Variants in PDE3B observed in about 807,000 individuals in gnomAD.
PDE3B encodes the protein cGMP-inhibited 3',5'-cyclic phosphodiesterase 3B.
A neutral mutation model predicts 116.8 loss-of-function variants in PDE3B; 66 were observed. The observed-to-expected ratio is 0.56, with a 90% CI of 0.46 to 0.69. The LOEUF (loss-of-function observed/expected upper bound fraction) is 0.69. Among genes scored for constraint, PDE3B ranks in the 30% least tolerant of loss-of-function variants. The pLI, the probability that PDE3B is intolerant of heterozygous loss-of-function variation, is 0.00. For missense variants in PDE3B, 1,384 were observed against 1,368.1 expected (o/e 1.01, Z -0.18); for synonymous variants, 595 against 533.6 (o/e 1.12, Z -1.59).
chr11:14,890,720 G>A, the PDE3B span, among the ~76,000 whole-genome samples: 1,141 of 151,666 alleles, frequency 7.5e-3, 17 homozygotes, highest in African/African-American at 0.026. Flanking sequence ...CTAATTTTTT[G>A]TATTCTTTTA....
At chr11:14,845,197 G>A (rs1847570940) in intron 12 of PDE3B, among the ~76,000 whole-genome samples, 2 of 151,976 alleles carry the variant, frequency 1.3e-5, no homozygotes, top group Non-Finnish European at 2.9e-5. Context: ...CTGCTGTTCT[G>A]CAGCCACCGC....
At chr11:14,840,994 C>CAGT (rs1860204435) in intron 11 of PDE3B, among the ~76,000 whole-genome samples, 1 of 152,102 alleles carries the variant, frequency 6.6e-6, no homozygotes, top group Admixed American at 6.5e-5. Context: ...CTTGGCTGGG[C>CAGT]AGTAGTACCT....
intron 5 of PDE3B, among the ~76,000 whole-genome samples, chr11:14,815,954 C>G (rs1859314398): frequency 6.6e-6 from 1 of 151,330 alleles, no homozygotes; most frequent in Admixed American, 6.6e-5. Context: ...CACACACACA[C>G]ACACACACAC....
intron 1 of PDE3B, among the ~76,000 whole-genome samples, chr11:14,717,735 C>A: frequency 7.4e-6 from 1 of 134,728 alleles, no homozygotes; most frequent in Non-Finnish European, 1.6e-5. Flanking sequence ...GATTTTGTCA[C>A]CACCAGGCCT....
At chr11:14,771,371 G>A (rs1435446541) in intron 1 of PDE3B, among the ~76,000 whole-genome samples, 1 of 151,570 alleles carries the variant, frequency 6.6e-6, no homozygotes, top group Non-Finnish European at 1.5e-5. Flanking sequence ...AACTAGTCTG[G>A]GACTAAAGTT....
At chr11:14,885,672 T>G in the PDE3B span, 1 of 1,211,452 alleles carries the variant, frequency 8.3e-7, no homozygotes, top group Non-Finnish European at 1.2e-6. Flanking sequence ...TAGTTTCTTA[T>G]TAATCAGTAT....
chr11:14,831,710 A>C lies in PDE3B; in HGVS notation c.2027A>C (p.Asn676Thr), dbSNP rs760935113. 6 of 1,600,740 alleles carry C rather than the reference A, an allele frequency of 3.7e-6. No individual in the cohort carries two copies. In the Admixed American group the frequency reaches 5.0e-5, roughly 13 times the overall value. Reference sequence around the variant, plus strand: ...GACTCATTAATAGAAAAGATGAGCAACTGGAATTTTCCAATTTTTGAACTT... The same window carrying C: ...GACTCATTAATAGAAAAGATGAGCACCTGGAATTTTCCAATTTTTGAACTT... ...EYDSLIEKMS[N>T]WNFPIFELVE... Residue 676 changes from asparagine (N) to threonine (T), a missense_variant, in exon 9 of 16, where the codon AAC becomes ACC. Physicochemically the swap from Asn to Thr is moderately conservative, Grantham distance 65 (BLOSUM62 0). This residue lies in a region of PDE3B where 428 missense variants were observed against 561.4 expected (regional missense o/e 0.76). Coordinates refer to ENST00000282096, the MANE Select transcript of PDE3B (RefSeq NM_000922.4).
chr11:14,845,208 T>A (rs1379418590), intron 12 of PDE3B, among the ~76,000 whole-genome samples: 2 of 152,018 alleles, frequency 1.3e-5, no homozygotes, highest in Admixed American at 1.3e-4. Flanking sequence ...CAGCCACCGC[T>A]GCTGGTACCC....
At chr11:14,881,028 T>C in the PDE3B span, among the ~76,000 whole-genome samples, 1 of 152,090 alleles carries the variant, frequency 6.6e-6, no homozygotes, top group Non-Finnish European at 1.5e-5. Flanking sequence ...CCTGTGTAAT[T>C]TAACCTGGTG....
the PDE3B span, among the ~76,000 whole-genome samples, chr11:14,897,948 A>G: frequency 2.0e-5 from 3 of 152,108 alleles, no homozygotes; most frequent in African/African-American, 7.2e-5. Flanking sequence ...CTATCATTTA[A>G]CGAGAAAGGC....
At chr11:14,823,670 G>A (rs1157225134) in intron 7 of PDE3B, among the ~76,000 whole-genome samples, 5 of 152,106 alleles carry the variant, frequency 3.3e-5, no homozygotes, top group Non-Finnish European at 5.9e-5. Flanking sequence ...AGAGGGATAG[G>A]GGGACTGCCA....
the PDE3B span, among the ~76,000 whole-genome samples, chr11:14,882,999 G>A: frequency 6.6e-6 from 1 of 152,084 alleles, no homozygotes; most frequent in African/African-American, 2.4e-5. Context: ...CCTCTTCAAG[G>A]AGAACTACAA....
intron 1 of PDE3B, among the ~76,000 whole-genome samples, chr11:14,692,683 A>G (rs1237723578): frequency 6.6e-6 from 1 of 152,142 alleles, no homozygotes; most frequent in East Asian, 1.9e-4. Context: ...AACTTAATTG[A>G]TAAATGTGTG....
chr11:14,878,246 A>G, the PDE3B span: 1 of 1,613,246 alleles, frequency 6.2e-7, no homozygotes. Flanking sequence ...TGCTGTAAAA[A>G]ACAAGAACAT....
chr11:14,838,390 G>T (rs1860126620), intron 11 of PDE3B, among the ~76,000 whole-genome samples: 1 of 152,118 alleles, frequency 6.6e-6, no homozygotes, highest in Admixed American at 6.5e-5. Context: ...GGCCTCAGTA[G>T]ACTTCTTATG....
chr11:14,837,346 C>T (rs1254606807), intron 11 of PDE3B, among the ~76,000 whole-genome samples: 1 of 152,106 alleles, frequency 6.6e-6, no homozygotes, highest in Non-Finnish European at 1.5e-5. Flanking sequence ...ACGAGTTCTC[C>T]CCCAATCTTT....
chr11:14,695,060 A>G (rs569238871), intron 1 of PDE3B, among the ~76,000 whole-genome samples: 1 of 152,266 alleles, frequency 6.6e-6, no homozygotes, highest in East Asian at 1.9e-4. Flanking sequence ...AGTCATTACT[A>G]CCTTCTGTAG....
chr11:14,734,593 A>T (rs1363685482), intron 1 of PDE3B, among the ~76,000 whole-genome samples: 2 of 152,188 alleles, frequency 1.3e-5, no homozygotes, highest in Non-Finnish European at 2.9e-5. Flanking sequence ...TCTTATATTA[A>T]TAATATGAAG....
intron 1 of PDE3B, among the ~76,000 whole-genome samples, chr11:14,699,954 C>G (rs970166795): frequency 3.3e-5 from 5 of 151,680 alleles, no homozygotes; most frequent in Non-Finnish European, 7.4e-5. Flanking sequence ...TATTTCTTGA[C>G]AAATACAGTA....
Sources: allele counts gnomAD v4.1 joint callset (sites outside exome capture counted in the v4.1 genomes callset), GRCh38; gene constraint gnomAD v4.1.1; regional missense constraint gnomAD v4.1.1; transcripts MANE v1.5; gene names NCBI Gene and HGNC (gene_info 2026-07-23, HGNC 2026-07-21).